The following EIF2B2 variants were observed in gnomAD, a reference collection of about 807,000 sequenced individuals.
EIF2B2 encodes the protein translation initiation factor eIF2B subunit beta.
EIF2B2 carries 34 observed loss-of-function variants against 34.7 expected under a neutral mutation model. That is an observed-to-expected ratio of 0.98 (90% confidence interval 0.75 to 1.31). The LOEUF (loss-of-function observed/expected upper bound fraction) is 1.31. Among genes scored for constraint, EIF2B2 ranks in the 50% most tolerant of loss-of-function variants. The pLI is 0.00. For synonymous variants in EIF2B2, 155 were observed against 171.6 expected (o/e 0.90, Z 0.76); for missense variants, 361 against 447.7 (o/e 0.81, Z 1.75).
At chr14:75,005,744 A>G (rs1243764117) in intron 4 of EIF2B2, 122 bp from the exon 5 acceptor site, 4 of 792,644 alleles carry the variant, frequency 5.0e-6, no homozygotes, top group South Asian at 1.3e-5. Context: ...TGAGTTATCT[A>G]TTGGAAATTA....
Position 75,005,902 on chromosome 14 carries a change from A to T in EIF2B2, c.634A>T (p.Ile212Phe). Residue 212 changes from isoleucine to phenylalanine, a missense_variant, in exon 5 of 8, where the codon ATT becomes TTT. Transcript: ENST00000266126. Reference sequence around the variant, plus strand: ...GGCTGTGAATTTGTCCAAAGCAGGTATTGAGACAACTGTCATGACTGATGC... The same window carrying T: ...GGCTGTGAATTTGTCCAAAGCAGGTTTTGAGACAACTGTCATGACTGATGC... ...EMAVNLSKAG[I>F]ETTVMTDAAI... 6.2e-7 allele frequency: 1 copy of T among 1,613,580 alleles called. No individual in the cohort carries two copies. The highest frequency in any genetic ancestry group is 8.5e-7 in the Non-Finnish European group (1 of 1,179,598).
At chr14:75,005,786 C>A in intron 4 of EIF2B2, 80 bp from the exon 5 acceptor site, 1 of 1,092,354 alleles carries the variant, frequency 9.2e-7, no homozygotes, top group Non-Finnish European at 1.4e-6. Flanking sequence ...ACACAATTCC[C>A]CAGATCCAGT....
intron 4 of EIF2B2, chr14:75,005,163 G>A (rs920623962): frequency 7.6e-6 from 3 of 395,342 alleles, no homozygotes; most frequent in African/African-American, 2.1e-5. Context: ...GATTACCTGA[G>A]GTCAGGAGTT....
At chr14:75,004,642 T>C (rs1436478555) in intron 3 of EIF2B2, 95 bp from the exon 4 acceptor site, 9 of 428,034 alleles carry the variant, frequency 2.1e-5, no homozygotes, top group Non-Finnish European at 2.3e-5. Context: ...ATACGCGTAA[T>C]GTGTGTTTGT....
chr14:75,004,690 T>TATATATATAA (rs764926377), intron 3 of EIF2B2, 47 bp from the exon 4 acceptor site: 11 of 90,590 alleles, frequency 1.2e-4, no homozygotes, highest in Non-Finnish European at 1.2e-4. Context: ...TATATATATA[T>TATATATATAA]TTTTTTTTTT....
rs545617664 is a variant in EIF2B2, at chr14:75,006,010, A to C, written c.693+49A>C. 3 of 1,480,018 alleles carry C rather than the reference A, an allele frequency of 2.0e-6. No individual in the cohort carries two copies. In the African/African-American group the frequency reaches 4.1e-5, roughly 20 times the overall value. 91.7% of individuals were successfully genotyped at this position (1,480,018 alleles called of 1,614,324 possible). ...GAATTCATGAAGATTATGTTTCTAA[A>C]ATATTGATTTTTATCTCCTCCTGTA... On this transcript the variant is annotated intron_variant, in intron 5 of 7. Coordinates refer to ENST00000266126, the MANE Select transcript of EIF2B2 (RefSeq NM_014239.4). This position sits in a 1 kb window ranked among gnomAD's most constrained non-coding sequence, Gnocchi z 4.1.
rs1889647788 is a variant in EIF2B2 at position 75,007,714 on chromosome 14, C to CT, written c.832-3dup. The CT allele has an allele frequency of 6.2e-7, 1 of 1,612,728 alleles. No individual in the cohort carries two copies. The highest frequency in any genetic ancestry group is 8.5e-7 in the Non-Finnish European group (1 of 1,179,436). On this transcript the variant is annotated splice_region_variant and splice_polypyrimidine_tract_variant and intron_variant, in intron 6 of 7. Coordinates refer to ENST00000266126, the MANE Select transcript of EIF2B2 (RefSeq NM_014239.4). ...GTCTCTAGTTTTTATAAATTTTTTC[C>CT]TTTTTAGTTCCCCAATGAAGAAGAC...
chr14:75,002,946 A>AGGTGTGGATTCCGCCG lies in EIF2B2; in HGVS notation c.-43_-28dup. 2 of 1,613,006 alleles carry AGGTGTGGATTCCGCCG rather than the reference A, an allele frequency of 1.2e-6. No individual in the cohort carries two copies. Among genetic ancestry groups the AGGTGTGGATTCCGCCG allele is most frequent in the Non-Finnish European group, 1.7e-6 (2 of 1,179,902 alleles). ...GGAAGTGCAAACTGTGTGGTCTGGC[A>AGGTGTGGATTCCGCCG]GGTGTGGATTCCGCCGGTGAAGGCT... On this transcript the variant is annotated 5_prime_UTR_variant, in exon 1 of 8. Coordinates refer to ENST00000266126, the MANE Select transcript of EIF2B2 (RefSeq NM_014239.4).
chr14:75,009,010 G>C, intron 7 of EIF2B2, 21 bp from the exon 8 acceptor site: 3 of 1,613,952 alleles, frequency 1.9e-6, no homozygotes, highest in Non-Finnish European at 2.5e-6. Flanking sequence ...TTTACCTTTA[G>C]CATGTGTGCT....
At chr14:75,007,880 C>A in intron 7 of EIF2B2, 92 bp downstream of exon 7, 1 of 1,249,150 alleles carries the variant, frequency 8.0e-7, no homozygotes, top group Non-Finnish European at 1.2e-6. Context: ...TTTTGTTGGT[C>A]AGTAGAACTG....
rs765330678 is a variant in EIF2B2 at position 75,006,549 on chromosome 14, G to A, written c.694-28G>A. On this transcript the variant is annotated intron_variant, in intron 5 of 7. Coordinates refer to ENST00000266126, the MANE Select transcript of EIF2B2 (RefSeq NM_014239.4). This position sits in a 1 kb window ranked among gnomAD's most constrained non-coding sequence, Gnocchi z 4.1. ...CCTTTTAGGGCTCCACCCCCAGGAT[G>A]GCTCACATTTTTTGTCTTGTCCCAA... The A allele has an allele frequency of 1.9e-6, 3 of 1,612,366 alleles. No individual in the cohort carries two copies. The African/African-American group carries it at 4.0e-5, about 22-fold the overall frequency.
intron 3 of EIF2B2, 147 bp downstream of exon 3, chr14:75,003,846 T>TG: frequency 8.0e-7 from 1 of 1,250,528 alleles, no homozygotes; most frequent in Non-Finnish European, 1.1e-6. Flanking sequence ...TAGGAAATGT[T>TG]GCAACAGGTG....
In EIF2B2 at chr14:75,003,429, C is replaced by A. The variant is rs756670980; in HGVS notation, c.284+34C>A. The stretch of plus-strand genomic sequence containing the variant: ...CACGTCCTGGGCTCCTGGTTGGATC[C>A]AGTGACACTTTTTGCACGGGCCCCT... On this transcript the variant is annotated intron_variant, in intron 2 of 7. Coordinates refer to ENST00000266126, the MANE Select transcript of EIF2B2 (RefSeq NM_014239.4). The A allele has an allele frequency of 2.5e-6, 4 of 1,613,828 alleles. No individual in the cohort carries two copies. The African/African-American group carries it at 5.3e-5, about 22-fold the overall frequency.
intron 4 of EIF2B2, among the ~76,000 whole-genome samples, chr14:75,005,502 A>T (rs773246973): frequency 1.3e-4 from 20 of 152,208 alleles, no homozygotes; most frequent in Admixed American, 8.5e-4. Context: ...CTTGATCCTA[A>T]GTAAATAATA....
chr14:75,008,904 T>G, intron 7 of EIF2B2, 127 bp from the exon 8 acceptor site: 9 of 1,278,194 alleles, frequency 7.0e-6, no homozygotes. Context: ...CTGGTTTGCA[T>G]TTTTCCATAG....
chr14:75,004,689 A>ATATATATATATATATTTTTT, intron 3 of EIF2B2, 48 bp from the exon 4 acceptor site: 2 of 146,204 alleles, frequency 1.4e-5, no homozygotes, highest in Admixed American at 1.2e-4. Context: ...ATATATATAT[A>ATATATATATATATATTTTTT]TTTTTTTTTT....
In EIF2B2 at chr14:75,003,333, C is replaced by G. The variant is rs780409528; in HGVS notation, c.222C>G (p.Ser74=). 1 of 1,613,788 alleles carries G rather than the reference C, an allele frequency of 6.2e-7. No homozygotes were observed. ...GGAGGATGACGGCCGCTCAGCCCTC[C>G]GAGACCACCGTGGGCAACATGGTGC... The part of the protein sequence containing the change: ...EGRRMTAAQP[S]ETTVGNMVRR... The change falls in exon 2 of 8, where the codon TCC becomes TCG. Residue 74 remains serine, a synonymous_variant. Transcript: ENST00000266126.
intron 4 of EIF2B2, 65 bp from the exon 5 acceptor site, chr14:75,005,801 T>C (rs749427373): frequency 3.2e-6 from 4 of 1,232,846 alleles, no homozygotes; most frequent in Non-Finnish European, 4.8e-6. Context: ...TCCAGTTACA[T>C]TTGAGAGCAC....
In EIF2B2 at chr14:75,009,133, C is replaced by T; in HGVS notation, c.1001C>T (p.Ser334Phe). The T allele has an allele frequency of 6.2e-7, 1 of 1,614,106 alleles. No homozygotes were observed. Among genetic ancestry groups the T allele is most frequent in the Non-Finnish European group, 8.5e-7 (1 of 1,180,004 alleles). ...FISNIGGNAP[S>F]YIYRLMSELY... ...TCCAACATTGGTGGGAATGCACCTT[C>T]CTACATCTACCGCCTGATGAGTGAA... The change falls in exon 8 of 8, where the codon TCC (serine) becomes TTC (phenylalanine). Residue 334 changes from serine (S) to phenylalanine (F), a missense_variant. By Grantham distance (155) the Ser-to-Phe change is radical (BLOSUM62 -2). Coordinates refer to ENST00000266126, the MANE Select transcript of EIF2B2 (RefSeq NM_014239.4).
Sources: gnomAD v4.1 joint callset for allele counts (sites outside exome capture counted in the v4.1 genomes callset) on GRCh38, gnomAD v4.1.1 for gene constraint, Gnocchi (gnomAD v3.1) non-coding constraint, MANE v1.5 for transcripts, NCBI Gene and HGNC (gene_info 2026-07-23, HGNC 2026-07-21) for gene names.